GLDN: variants seen among roughly 807,000 people sequenced by gnomAD.
GLDN encodes collomin.
A neutral mutation model predicts 56.5 loss-of-function variants in GLDN; 47 were observed. The ratio of observed to expected loss-of-function variants is 0.83; its 90% confidence interval spans 0.66 to 1.06. GLDN has a LOEUF of 1.06. GLDN is among the 50% of genes least tolerant of loss of function. GLDN has a pLI of 0.00. For missense variants in GLDN, 782 were observed against 714.3 expected (o/e 1.09, Z -1.08); for synonymous variants, 332 against 278.8 (o/e 1.19, Z -1.90).
Position 51,404,558 on chromosome 15 carries a change from C to T in GLDN, c.1460C>T (p.Thr487Ile). Reference protein sequence around the residue: ...IARGILYVTDTKDMRVTFAFD... With the variant: ...IARGILYVTDIKDMRVTFAFD... ...CGAGGAATCCTCTATGTCACAGACA[C>T]CAAAGATATGAGGGTCACATTTGCC... The change falls in exon 10 of 10, where the codon ACC (threonine) becomes ATC (isoleucine). Residue 487 changes from threonine (T) to isoleucine (I), a missense_variant. Coordinates refer to ENST00000335449, the MANE Select transcript of GLDN (RefSeq NM_181789.4). 6.2e-7 allele frequency: 1 copy of T among 1,614,110 alleles called. No individual in the cohort carries two copies. The highest frequency in any genetic ancestry group is 8.5e-7 in the Non-Finnish European group (1 of 1,180,038).
chr15:51,374,698 C>A (rs924467994), intron 1 of GLDN, among the ~76,000 whole-genome samples: 1 of 149,750 alleles, frequency 6.7e-6, no homozygotes, highest in South Asian at 2.1e-4. Flanking sequence ...TATTATTCAT[C>A]GTTAAATTAT....
chr15:51,401,111 A>C (rs565382797), intron 8 of GLDN, among the ~76,000 whole-genome samples: 1 of 152,400 alleles, frequency 6.6e-6, no homozygotes, highest in East Asian at 1.9e-4. Flanking sequence ...TCTTTATTTC[A>C]TCAAGGCCAG....
downstream of GLDN, among the ~76,000 whole-genome samples, chr15:51,409,601 T>C (rs967954454): frequency 6.6e-6 from 1 of 152,178 alleles, no homozygotes. Context: ...TCTAGCAACA[T>C]GGCATTGTCA....
intron 1 of GLDN, among the ~76,000 whole-genome samples, chr15:51,361,265 T>C (rs548875812): frequency 3.3e-4 from 51 of 152,354 alleles, no homozygotes; most frequent in African/African-American, 1.2e-3. Context: ...TTTCTACAAT[T>C]TTGGCCTCTA....
intron 4 of GLDN, 113 bp downstream of exon 4, chr15:51,384,005 T>G (rs2037832639): frequency 6.0e-6 from 5 of 835,578 alleles, no homozygotes; most frequent in Non-Finnish European, 1.0e-5. Context: ...CTGCACAGTT[T>G]AAGGCCGGTT....
At chr15:51,389,283 C>T (rs142097374) in intron 4 of GLDN, among the ~76,000 whole-genome samples, 2 of 152,284 alleles carry the variant, frequency 1.3e-5, no homozygotes, top group African/African-American at 4.8e-5. Flanking sequence ...AGCTAGGGCC[C>T]AGCTAAGGCC....
At chr15:51,371,488 G>A (rs2037514983) in intron 1 of GLDN, among the ~76,000 whole-genome samples, 1 of 152,038 alleles carries the variant, frequency 6.6e-6, no homozygotes, top group African/African-American at 2.4e-5. Context: ...TTTTCTCCTG[G>A]GGCCTCTTCC....
In GLDN at chr15:51,400,485, A is replaced by T; in HGVS notation, c.1014A>T (p.Thr338=). The change falls in exon 8 of 10, where the codon ACA becomes ACT. Residue 338 remains threonine, a synonymous_variant. Transcript: ENST00000335449. ...AGAGTGATGACCGGATTTGGGTGAC[A>T]GAGCATTTTTCAGGTACTTGCACTC... ...ANKSDDRIWV[T]EHFSGIMVKE... 1 of 1,614,174 alleles carries T rather than the reference A, an allele frequency of 6.2e-7. No homozygotes were observed. The highest frequency in any genetic ancestry group is 8.5e-7 in the Non-Finnish European group (1 of 1,180,026).
Position 51,361,804 on chromosome 15 carries a change from C to G in GLDN, c.364-15645C>G, listed in dbSNP as rs114438062. On this transcript the variant is annotated intron_variant, in intron 1 of 9. Coordinates refer to ENST00000335449, the MANE Select transcript of GLDN (RefSeq NM_181789.4). The stretch of plus-strand genomic sequence containing the variant: ...AAGTGGTTGGGCGTGATTGCGCATG[C>G]TTGTAATTCCAGCTACTCAGGAGGC... Among the ~76,000 whole-genome samples the G allele has an allele frequency of 2.1e-3, 313 of 152,254 alleles. 3 individuals carry two copies. The highest frequency in any genetic ancestry group is 7.4e-3 in the African/African-American group (306 of 41,536).
intron 9 of GLDN, among the ~76,000 whole-genome samples, chr15:51,402,883 T>C (rs2038285721): frequency 6.6e-6 from 1 of 152,122 alleles, no homozygotes; most frequent in African/African-American, 2.4e-5. Context: ...GGCCACCCCA[T>C]TTGGGCAGTC....
intron 1 of GLDN, among the ~76,000 whole-genome samples, chr15:51,373,205 T>A (rs2037551144): frequency 6.6e-6 from 1 of 152,198 alleles, no homozygotes. Flanking sequence ...AATAAATATG[T>A]AAGCAAGATA....
In GLDN at chr15:51,395,181, G is replaced by A. The variant is rs752744331; in HGVS notation, c.688+200G>A. Among the ~76,000 whole-genome samples, 38 of 152,144 alleles carry A rather than the reference G, an allele frequency of 2.5e-4. 1 individual carries two copies. The highest frequency in any genetic ancestry group is 3.8e-4 in the Non-Finnish European group (26 of 68,020). ...ACTCCATGTGGCAAGACCAGATCTGGGATCTAAGTATAAGTGGTTCAGGTA... is the reference window on the plus strand; with the variant it reads ...ACTCCATGTGGCAAGACCAGATCTGAGATCTAAGTATAAGTGGTTCAGGTA... On this transcript the variant is annotated intron_variant, in intron 5 of 9. Coordinates refer to ENST00000335449, the MANE Select transcript of GLDN (RefSeq NM_181789.4).
intron 1 of GLDN, among the ~76,000 whole-genome samples, chr15:51,351,730 G>C (rs986772092): frequency 2.6e-5 from 4 of 152,164 alleles, no homozygotes; most frequent in Non-Finnish European, 5.9e-5. Context: ...TCATTGTTAA[G>C]TTCCCAGCCC....
At chr15:51,401,769 AC>A in intron 9 of GLDN, 26 bp downstream of exon 9, 24 of 1,603,884 alleles carry the variant, frequency 1.5e-5, no homozygotes, top group Non-Finnish European at 2.0e-5. Flanking sequence ...GCACCTTCTC[AC>A]GCCTCTCAGG....
At chr15:51,411,757 T>C (rs1402299707), downstream of GLDN, among the ~76,000 whole-genome samples, 1 of 152,250 alleles carries the variant, frequency 6.6e-6, no homozygotes, top group Non-Finnish European at 1.5e-5. Context: ...TCTTTGACTT[T>C]TAAAAAATAT....
chr15:51,356,725 G>T (rs1057425706), intron 1 of GLDN, among the ~76,000 whole-genome samples: 1 of 152,108 alleles, frequency 6.6e-6, no homozygotes, highest in Non-Finnish European at 1.5e-5. Flanking sequence ...TAAAAAGGTG[G>T]CGATAGCAGT....
intron 1 of GLDN, chr15:51,367,465 A>G (rs941361402): frequency 6.6e-6 from 1 of 152,246 alleles, no homozygotes; most frequent in Non-Finnish European, 1.5e-5. Context: ...TGGACTTCAA[A>G]CCAACACTTG....
chr15:51,361,579 C>T (rs2037300696), intron 1 of GLDN, among the ~76,000 whole-genome samples: 1 of 152,170 alleles, frequency 6.6e-6, no homozygotes, highest in Non-Finnish European at 1.5e-5. Context: ...ATCAAAGATT[C>T]ATTCATTCAA....
At position 51,382,562 on chromosome 15, in the gene GLDN, A is replaced by T. The variant is rs148071518; in HGVS notation, c.416-874A>T. Among the ~76,000 whole-genome samples, 1,061 of 142,076 alleles carry T rather than the reference A, an allele frequency of 7.5e-3. 10 individuals are homozygous for T. Among genetic ancestry groups the T allele is most frequent in the African/African-American group, 0.029 (1,025 of 35,420 alleles). 93.2% of individuals were successfully genotyped at this position (142,076 alleles called of 152,430 possible). ...GAAACCCTGTCTCTACTAAAAATAC[A>T]TAAAAAAAAAAAAATTAGCCGGGCG... is the stretch of plus-strand genomic sequence containing the variant. On this transcript the variant is annotated intron_variant, in intron 2 of 9. Coordinates refer to ENST00000335449, the MANE Select transcript of GLDN (RefSeq NM_181789.4).
Sources: allele counts gnomAD v4.1 joint callset (sites outside exome capture counted in the v4.1 genomes callset), GRCh38; gene constraint gnomAD v4.1.1; transcripts MANE v1.5; gene names NCBI Gene and HGNC (gene_info 2026-07-23, HGNC 2026-07-21).